Variants in MADD observed in about 807,000 individuals in gnomAD.
The protein encoded by MADD is MAP kinase activating death domain.
In MADD, 109 loss-of-function variants were observed where a neutral mutation model predicts 176.7. The observed-to-expected ratio is 0.62, with a 90% CI of 0.53 to 0.72. The LOEUF (loss-of-function observed/expected upper bound fraction) is 0.72, where lower values mean the gene tolerates loss of function less well. Among genes scored for constraint, MADD ranks in the 30% least tolerant of loss-of-function variants. The pLI, the probability that MADD is intolerant of heterozygous loss-of-function variation, is 0.00. For synonymous variants in MADD, 771 were observed against 771.3 expected, an observed-to-expected ratio of 1.00 and a Z score of 0.01; for missense variants, 1,914 against 2,045.5, an observed-to-expected ratio of 0.94 and a Z score of 1.24.
intron 22 of MADD, among the ~76,000 whole-genome samples, chr11:47,305,821 G>T (rs1210085902): frequency 6.6e-6 from 1 of 152,150 alleles, no homozygotes; most frequent in African/African-American, 2.4e-5. Context: ...CTAGGGCAAG[G>T]TATCTCAGCT....
chr11:47,302,944 A>T (rs2079060125), intron 22 of MADD, among the ~76,000 whole-genome samples: 1 of 151,530 alleles, frequency 6.6e-6, no homozygotes. Context: ...ACTTTTGTGT[A>T]TTTTCATGAT....
At position 47,285,297 on chromosome 11, in the gene MADD, C is replaced by T. The variant is rs193292244; in HGVS notation, c.2411+103C>T. 1.3e-4 allele frequency: 205 copies of T among 1,553,574 alleles called. 2 individuals carry two copies. The highest frequency in any genetic ancestry group is 1.8e-4 in the East Asian group (8 of 44,470). On this transcript the variant is annotated intron_variant, in intron 13 of 32. Coordinates refer to ENST00000402192, the Ensembl canonical transcript of MADD. ...AAAGTCTGAGAAGTCTGAATGCTCT[C>T]GTGGTCCTGCCATCCCCAGAGGATG...
chr11:47,284,209 AG>A lies in MADD; in HGVS notation c.1895del (p.Ser632ThrfsTer14). On this transcript the variant is annotated frameshift_variant, in exon 11 of 33. Coordinates refer to ENST00000402192, the Ensembl canonical transcript of MADD. LOFTEE classifies it high-confidence loss of function. ...TGATAGTATGGATTATGACGATTCA[AG>A]CTCTTCTTACTCCTCCCTTGGTGAC... 4 of 1,614,096 alleles carry A rather than the reference AG, an allele frequency of 2.5e-6. No individual in the cohort carries two copies. The highest frequency in any genetic ancestry group is 3.4e-6 in the Non-Finnish European group (4 of 1,179,948).
At chr11:47,283,020 C>T in intron 10 of MADD, 51 bp downstream of exon 10, 1 of 1,576,840 alleles carries the variant, frequency 6.3e-7, no homozygotes. Flanking sequence ...GAGGCTCTCA[C>T]TAGCCCTTCT....
chr11:47,327,772 G>A, intron 31 of MADD: 1 of 985,446 alleles, frequency 1.0e-6, no homozygotes, highest in Non-Finnish European at 1.2e-6. Context: ...AGGGTCAGAA[G>A]AAGGTACGGC....
chr11:47,323,679 T>C (rs1418274651), exon 28 of MADD: 2 of 1,613,240 alleles, frequency 1.2e-6, no homozygotes, highest in Middle Eastern at 1.8e-4. Flanking sequence ...AGGTGTGCGA[T>C]GACTGTGTGG....
At chr11:47,294,886 T>C (rs954771591) in intron 20 of MADD, among the ~76,000 whole-genome samples, 12 of 152,134 alleles carry the variant, frequency 7.9e-5, no homozygotes, top group African/African-American at 2.7e-4. Flanking sequence ...GAGAAAAAAC[T>C]GAAAGGAAAT....
intron 15 of MADD, among the ~76,000 whole-genome samples, chr11:47,287,241 G>C (rs2061342853): frequency 6.6e-6 from 1 of 152,128 alleles, no homozygotes; most frequent in Non-Finnish European, 1.5e-5. Context: ...AGAATCGCTT[G>C]AATCCAGGAG....
chr11:47,324,816 C>G (rs934078199), intron 30 of MADD: 18 of 664,142 alleles, frequency 2.7e-5, no homozygotes, highest in South Asian at 2.3e-4. Context: ...GGAGCGAGGC[C>G]AGGTGGCCAC....
exon 19 of MADD, chr11:47,290,807 G>A: frequency 6.2e-7 from 1 of 1,611,580 alleles, no homozygotes; most frequent in South Asian, 1.1e-5. Context: ...AAATTTTATA[G>A]CATCTATTGG....
chr11:47,277,039 T>C (rs561702760), intron 5 of MADD, among the ~76,000 whole-genome samples, 176 bp downstream of exon 5: 18 of 152,340 alleles, frequency 1.2e-4, no homozygotes, highest in African/African-American at 4.1e-4. Flanking sequence ...TATTTTAGTT[T>C]TCATTTATCA....
At chr11:47,293,767 A>G (rs568543229) in intron 19 of MADD, 116 bp from the exon 22 acceptor site, 2 of 662,040 alleles carry the variant, frequency 3.0e-6, no homozygotes, top group Non-Finnish European at 5.4e-6. Flanking sequence ...GTCCTTGGAA[A>G]GGTGACTAGG....
intron 22 of MADD, among the ~76,000 whole-genome samples, chr11:47,308,059 A>G (rs1432464174): frequency 6.6e-6 from 1 of 152,282 alleles, no homozygotes; most frequent in African/African-American, 2.4e-5. Flanking sequence ...ATAGGAAAGA[A>G]GAAATGAACA....
chr11:47,289,002 TGAAGC>T, intron 15 of MADD: 1 of 1,597,036 alleles, frequency 6.3e-7, no homozygotes, highest in South Asian at 1.1e-5. Context: ...AGATTGTTAC[TGAAGC>T]CGGCCCCGGG....
chr11:47,314,772 C>A (rs2092162078), intron 26 of MADD, among the ~76,000 whole-genome samples: 2 of 152,130 alleles, frequency 1.3e-5, no homozygotes, highest in South Asian at 4.1e-4. Flanking sequence ...CTGCAACAGA[C>A]TCAATGCAGA....
chr11:47,327,678 C>G, intron 31 of MADD: 1 of 985,422 alleles, frequency 1.0e-6, no homozygotes, highest in Non-Finnish European at 1.2e-6. Flanking sequence ...TCTTCCAACT[C>G]GGGAGAATGG....
At chr11:47,327,171 A>G in intron 31 of MADD, 2 of 1,033,082 alleles carry the variant, frequency 1.9e-6, no homozygotes, top group Admixed American at 5.0e-5. Flanking sequence ...ACCTGCTGCA[A>G]TCTCTCTAGC....
intron 19 of MADD, 29 bp downstream of exon 21, chr11:47,292,625 C>T: frequency 6.2e-7 from 1 of 1,612,106 alleles, no homozygotes; most frequent in Non-Finnish European, 8.5e-7. Flanking sequence ...TTCCTGTTCC[C>T]AAGTCCTCCA....
intron 4 of MADD, 27 bp downstream of exon 4, chr11:47,276,229 C>G (rs370956788): frequency 4.5e-6 from 7 of 1,564,328 alleles, no homozygotes; most frequent in Non-Finnish European, 6.1e-6. Flanking sequence ...CTAGACCTTT[C>G]TAGGGGAGAA....
Sources: gnomAD v4.1 joint callset for allele counts (sites outside exome capture counted in the v4.1 genomes callset) on GRCh38, gnomAD v4.1.1 for gene constraint, MANE v1.5 for transcripts, NCBI Gene and HGNC (gene_info 2026-07-23, HGNC 2026-07-21) for gene names.